The following TBL1XR1 variants were observed in gnomAD, a reference collection of about 807,000 sequenced individuals.
TBL1XR1 encodes TBL1X/Y related 1, also known as F-box-like/WD repeat-containing protein TBL1XR1.
A neutral mutation model predicts 66.9 loss-of-function variants in TBL1XR1; 5 were observed. The observed-to-expected ratio is 0.07, with a 90% confidence interval of 0.04 to 0.16. TBL1XR1 has a LOEUF of 0.16. TBL1XR1 is among the 10% of genes least tolerant of loss of function. The probability of loss-of-function intolerance (pLI) is 1.00; values close to 1 mark genes in which losing one functional copy is unlikely to be tolerated. For synonymous variants in TBL1XR1, 210 were observed against 206.0 expected, an observed-to-expected ratio of 1.02 and a Z score of -0.17; for missense variants, 238 against 623.2, an observed-to-expected ratio of 0.38 and a Z score of 6.58.
intron 1 of TBL1XR1, among the ~76,000 whole-genome samples, chr3:177,177,681 T>C (rs1734320353): frequency 1.3e-5 from 2 of 152,158 alleles, no homozygotes; most frequent in Non-Finnish European, 2.9e-5. Flanking sequence ...TAATAAATTA[T>C]TTCCAGTACT....
rs900658250 is a variant in TBL1XR1, at chr3:177,118,226, C to T, written c.-121-19685G>A. Among the ~76,000 whole-genome samples the T allele has an allele frequency of 2.9e-4, 44 of 152,206 alleles. 1 individual carries two copies. The highest frequency in any genetic ancestry group is 1.0e-3 in the African/African-American group (43 of 41,450). On this transcript the variant is annotated intron_variant, in intron 1 of 15. Coordinates refer to ENST00000457928, the MANE Select transcript of TBL1XR1 (RefSeq NM_024665.7). ...GTCTGTTATTTCAAAATCACTCGAT[C>T]TTTTCAAAGTCTCTAAAGAGTTCTT...
rs1725147589 is a variant in TBL1XR1, at chr3:177,108,442, T to C, written c.-121-9901A>G. ...TTAAAAACTCAGCTCTTTCACATCA[T>C]ATCCATACAACTGTAAGCAAGCCCT... On this transcript the variant is annotated intron_variant, in intron 1 of 15. Transcript: ENST00000457928. Among the ~76,000 whole-genome samples the C allele has an allele frequency of 2.0e-5, 3 of 152,190 alleles. No individual in the cohort carries two copies. In the South Asian group the frequency reaches 6.2e-4, roughly 31 times the overall value.
chr3:177,175,603 G>A (rs1476678267), intron 1 of TBL1XR1, among the ~76,000 whole-genome samples: 3 of 150,048 alleles, frequency 2.0e-5, no homozygotes, highest in African/African-American at 7.3e-5. Context: ...CAATCATAGG[G>A]TTAAAGAACA....
In TBL1XR1 at chr3:177,021,025, T is replaced by G. The variant is rs1280180054; in HGVS notation, c.*4473A>C. The G allele has an allele frequency of 6.6e-6, 1 of 152,152 alleles. No homozygotes were observed. Among genetic ancestry groups the G allele is most frequent in the Non-Finnish European group, 1.5e-5 (1 of 67,996 alleles). 9.4% of individuals were successfully genotyped at this position (152,152 alleles called of 1,614,324 possible). A position where few individuals can be genotyped will look rare whatever the true frequency, so the allele number is the denominator to read the frequency against. On this transcript the variant is annotated 3_prime_UTR_variant, in exon 16 of 16. Transcript: ENST00000457928. ...AACTGAACAATGAAGTTCTTTAACA[T>G]GTACAAAAACCTGTCATGGGCTGGT...
rs1216922302 is a variant in TBL1XR1 at position 177,197,259 on chromosome 3, C to T, written c.-260G>A. ...CGGGGGGTGAGAGGCAATTATAACC[C>T]CAGCGAGCGGAGGGCGCGGGGGATG... On this transcript the variant is annotated 5_prime_UTR_variant, in exon 1 of 16. Transcript: ENST00000457928. 1 of 151,492 alleles carries T rather than the reference C, an allele frequency of 6.6e-6. No individual in the cohort carries two copies. Among genetic ancestry groups the T allele is most frequent in the Non-Finnish European group, 1.5e-5 (1 of 67,508 alleles). 9.4% of individuals were successfully genotyped at this position (151,492 alleles called of 1,614,324 possible).
chr3:177,053,273 G>C (rs984244505), intron 4 of TBL1XR1, among the ~76,000 whole-genome samples: 1 of 152,140 alleles, frequency 6.6e-6, no homozygotes, highest in Non-Finnish European at 1.5e-5. Context: ...ATATGTAAAT[G>C]CATGTGGCTA....
chr3:177,142,969 C>T (rs1429515709), intron 1 of TBL1XR1, among the ~76,000 whole-genome samples: 1 of 151,854 alleles, frequency 6.6e-6, no homozygotes, highest in African/African-American at 2.4e-5. Context: ...AACAAATGTC[C>T]TTTGGGTGGT....
intron 1 of TBL1XR1, among the ~76,000 whole-genome samples, chr3:177,114,162 CATTT>C (rs2108734998): frequency 6.6e-6 from 1 of 152,042 alleles, no homozygotes; most frequent in East Asian, 1.9e-4. Flanking sequence ...TGGGGTAATG[CATTT>C]ATTAATTCAC....
At chr3:177,066,741 C>CA (rs1719215586) in intron 2 of TBL1XR1, among the ~76,000 whole-genome samples, 1 of 152,036 alleles carries the variant, frequency 6.6e-6, no homozygotes, top group African/African-American at 2.4e-5. Context: ...AAGGTAGACT[C>CA]AATGGTAACT....
chr3:177,119,798 T>C (rs1726763100), intron 1 of TBL1XR1, among the ~76,000 whole-genome samples: 1 of 152,346 alleles, frequency 6.6e-6, no homozygotes, highest in East Asian at 1.9e-4. Context: ...AAAGAATCCT[T>C]GGTCCTGTGT....
At chr3:177,109,133 T>C (rs1725247978) in intron 1 of TBL1XR1, among the ~76,000 whole-genome samples, 1 of 152,164 alleles carries the variant, frequency 6.6e-6, no homozygotes. Context: ...AACAAGTAAA[T>C]TGTATATTTG....
intron 2 of TBL1XR1, among the ~76,000 whole-genome samples, chr3:177,084,358 T>C (rs1721865186): frequency 6.6e-6 from 1 of 152,218 alleles, no homozygotes; most frequent in Non-Finnish European, 1.5e-5. Context: ...CCACCCCACA[T>C]GCACAATAGA....
At chr3:177,139,162 T>G (rs987984651) in intron 1 of TBL1XR1, among the ~76,000 whole-genome samples, 1 of 151,966 alleles carries the variant, frequency 6.6e-6, no homozygotes, top group Non-Finnish European at 1.5e-5. Flanking sequence ...AAAAACACAC[T>G]GCAAGATTAA....
At chr3:177,136,277 C>A (rs1178926903) in intron 1 of TBL1XR1, 1 of 152,146 alleles carries the variant, frequency 6.6e-6, no homozygotes, top group Non-Finnish European at 1.5e-5. Flanking sequence ...GTTGTATGCA[C>A]TGACATACCT....
intron 1 of TBL1XR1, among the ~76,000 whole-genome samples, chr3:177,156,165 C>CAAA: frequency 2.0e-5 from 1 of 49,978 alleles, no homozygotes; most frequent in South Asian, 9.5e-4. Context: ...TCTACTCTAC[C>CAAA]AAAAAAAAAA....
At chr3:177,165,727 G>T (rs1279806450) in intron 1 of TBL1XR1, among the ~76,000 whole-genome samples, 1 of 152,130 alleles carries the variant, frequency 6.6e-6, no homozygotes, top group African/African-American at 2.4e-5. Context: ...AACAAAGAGT[G>T]CTGGAACAAC....
At chr3:177,105,196 A>G (rs531047261) in intron 1 of TBL1XR1, among the ~76,000 whole-genome samples, 37 of 152,354 alleles carry the variant, frequency 2.4e-4, no homozygotes, top group African/African-American at 7.5e-4. Context: ...ATGTGTAACT[A>G]TAACTGTTTT....
chr3:177,192,319 G>A (rs955406301), intron 1 of TBL1XR1, among the ~76,000 whole-genome samples: 3 of 151,182 alleles, frequency 2.0e-5, no homozygotes, highest in African/African-American at 4.9e-5. Flanking sequence ...GAGGCGCGAG[G>A]TTGCAGTAAG....
Position 177,034,202 on chromosome 3 carries a change from C to T in TBL1XR1, c.1246G>A (p.Ala416Thr), listed in dbSNP as rs1576982573. The change falls in exon 13 of 16, where the codon GCA (alanine) becomes ACA (threonine). Residue 416 changes from alanine (A) to threonine (T), a missense_variant. By Grantham distance (58) the Ala-to-Thr change is moderately conservative (BLOSUM62 0). Around this residue, in one of 8 missense-constraint regions of TBL1XR1, gnomAD observed 89 missense variants for 220.2 expected, o/e 0.40. Transcript: ENST00000457928. ...TNNPNANLMLASASFDSTVRL... is the reference protein window; with the variant it reads ...TNNPNANLMLTSASFDSTVRL... ...AAAATGAAACAGAAGTATCACCTTG[C>T]TAACATAAGGTTGGCATTTGGATTA... 6.2e-7 allele frequency: 1 copy of T among 1,601,994 alleles called. No homozygotes were observed. The highest frequency in any genetic ancestry group is 8.5e-7 in the Non-Finnish European group (1 of 1,177,018).
Sources: gnomAD v4.1 joint callset for allele counts (sites outside exome capture counted in the v4.1 genomes callset) on GRCh38, gnomAD v4.1.1 for gene constraint, gnomAD v4.1.1 regional missense constraint, MANE v1.5 for transcripts, NCBI Gene and HGNC (gene_info 2026-07-23, HGNC 2026-07-21) for gene names.